The following CEP152 variants were observed in gnomAD, a reference collection of about 807,000 sequenced individuals.
CEP152 encodes the protein centrosomal protein of 152 kDa.
Under a neutral mutation model 188.9 loss-of-function variants are expected in CEP152, and 132 were observed. The ratio of observed to expected loss-of-function variants is 0.70; its 90% CI spans 0.61 to 0.81. The LOEUF (loss-of-function observed/expected upper bound fraction) is 0.81. Ranked by LOEUF, CEP152 falls within the 30% of genes least tolerant of loss-of-function variation. The probability of loss-of-function intolerance (pLI) is 0.00; values close to 1 mark genes in which losing one functional copy is unlikely to be tolerated. For synonymous variants in CEP152, 649 were observed against 666.6 expected (o/e 0.97, Z 0.41); for missense variants, 1,914 against 1,969.8 (o/e 0.97, Z 0.54).
chr15:48,786,812 TTACTG>T (rs1366591875), intron 9 of CEP152, among the ~76,000 whole-genome samples: 3 of 152,208 alleles, frequency 2.0e-5, no homozygotes, highest in East Asian at 3.8e-4. Flanking sequence ...TGTTCTGACT[TTACTG>T]TAGAGTTCTT....
In CEP152 at chr15:48,781,322, T is replaced by C. The variant is rs1480617432; in HGVS notation, c.1451A>G (p.Tyr484Cys). The C allele has an allele frequency of 1.9e-6, 3 of 1,610,702 alleles. No individual in the cohort carries two copies. Among genetic ancestry groups the C allele is most frequent in the African/African-American group, 1.3e-5 (1 of 74,866 alleles). The change falls in exon 12 of 27, where the codon TAT becomes TGT. Residue 484 changes from tyrosine (Y) to cysteine (C), a missense_variant. By Grantham distance (194) the Tyr-to-Cys change is radical (BLOSUM62 -2). Transcript: ENST00000380950. ...LTELKDEISLYESAAKLGIHP... is the reference protein window; with the variant it reads ...LTELKDEISLCESAAKLGIHP... ...TATTCCTAGTTTTGCAGCAGATTCA[T>C]AGAGAGAAATTTCATCTTTTAGTTC...
rs1215746867 is a variant in CEP152 at position 48,762,553 on chromosome 15, G to A, written c.2400C>T (p.Thr800=). 1 of 1,613,912 alleles carries A rather than the reference G, an allele frequency of 6.2e-7. No homozygotes were observed. Residue 800 remains threonine, a synonymous_variant, in exon 18 of 27, where the codon ACC becomes ACT. Transcript: ENST00000380950. ...TCTCTTTCTTGGAAATAACATCACT[G>A]GTGGTTACTTGGTCAGTTTGGCTGC... ...DCGSQTDQVT[T]SDVISKKEMA...
Position 48,769,084 on chromosome 15 carries a change from G to C in CEP152, c.1783-3C>G. ...TTTTCTGAGGTATCTGTTTTAGTCT[G>C]AATATTAAAAGGTCAAAAGTTTTAC... On this transcript the variant is annotated splice_polypyrimidine_tract_variant and splice_region_variant and intron_variant, in intron 13 of 26. Coordinates refer to ENST00000380950, the MANE Select transcript of CEP152 (RefSeq NM_001194998.2). 1 of 1,601,060 alleles carries C rather than the reference G, an allele frequency of 6.2e-7. No homozygotes were observed. Among genetic ancestry groups the C allele is most frequent in the South Asian group, 1.1e-5 (1 of 89,028 alleles).
chr15:48,735,108 CCAGGCCATAAAA>C (rs1483083426), downstream of CEP152, among the ~76,000 whole-genome samples: 5 of 152,102 alleles, frequency 3.3e-5, no homozygotes, highest in Non-Finnish European at 7.4e-5. Flanking sequence ...AGGCCATATG[CCAGGCCATAAAA>C]CAAGTCTCAA....
downstream of CEP152, among the ~76,000 whole-genome samples, chr15:48,737,566 G>A (rs1435151460): frequency 6.6e-6 from 1 of 152,014 alleles, no homozygotes; most frequent in African/African-American, 2.4e-5. Context: ...TATTTCAGAT[G>A]AAAAAACAAA....
intron 24 of CEP152, among the ~76,000 whole-genome samples, chr15:48,743,233 T>C (rs550808207): frequency 6.6e-6 from 1 of 152,324 alleles, no homozygotes; most frequent in South Asian, 2.1e-4. Flanking sequence ...TTGTAGAACA[T>C]CTACACGTGA....
At chr15:48,768,525 T>C (rs1433643676) in intron 14 of CEP152, among the ~76,000 whole-genome samples, 197 bp from the exon 15 acceptor site, 1 of 152,232 alleles carries the variant, frequency 6.6e-6, no homozygotes, top group African/African-American at 2.4e-5. Flanking sequence ...ATTTGACAAG[T>C]AGTTTTCTGA....
chr15:48,781,413 T>C lies in CEP152; in HGVS notation c.1414-54A>G, dbSNP rs961193926. 2.8e-6 allele frequency: 4 copies of C among 1,440,688 alleles called. No individual in the cohort carries two copies. The African/African-American group carries it at 5.6e-5, about 20-fold the overall frequency. The allele number at this position is 1,440,688 out of a possible 1,614,324, so 89.2% of individuals were successfully genotyped here. Reference sequence around the variant, plus strand: ...TTCACTATTTTCCTATATGAAGTAATCAGTCATTCTGTTTCAAAATTTGTT... The same window carrying C: ...TTCACTATTTTCCTATATGAAGTAACCAGTCATTCTGTTTCAAAATTTGTT... On this transcript the variant is annotated intron_variant, in intron 11 of 26. Transcript: ENST00000380950.
Position 48,756,399 on chromosome 15 carries a change from C to T in CEP152, c.2849G>A (p.Arg950Lys), listed in dbSNP as rs779384657. ...LKNEEVPVVI[R>K]AELAKARSEW... ...ACTCCGAGCCTTAGCTAACTCAGCC[C>T]TGATGACCACAGGGACTTCTTCGTT... Residue 950 changes from arginine (R) to lysine (K), a missense_variant, in exon 20 of 27, where the codon AGG becomes AAG. By Grantham distance (26) the Arg-to-Lys change is conservative. Coordinates refer to ENST00000380950, the MANE Select transcript of CEP152 (RefSeq NM_001194998.2). The T allele has an allele frequency of 1.2e-6, 2 of 1,611,474 alleles. No individual in the cohort carries two copies. The highest frequency in any genetic ancestry group is 1.3e-5 in the African/African-American group (1 of 74,900).
intron 20 of CEP152, among the ~76,000 whole-genome samples, chr15:48,754,352 A>G (rs996795366): frequency 3.3e-5 from 5 of 152,162 alleles, no homozygotes; most frequent in Admixed American, 6.5e-5. Flanking sequence ...TAATGGTAGG[A>G]GAAAGGTGTC....
rs1019446645 is a variant in CEP152 at position 48,787,172 on chromosome 15, T to G, written c.1173+1629A>C. 1.6e-4 allele frequency among the ~76,000 whole-genome samples: 23 copies of G among 142,502 alleles called. 2 individuals carry two copies. The highest frequency in any genetic ancestry group is 1.2e-3 in the East Asian group (6 of 5,014). The allele number at this position is 142,502 out of a possible 152,430, so 93.5% of individuals were successfully genotyped here. A position where few individuals can be genotyped will look rare whatever the true frequency, so the allele number is the denominator to read the frequency against. On this transcript the variant is annotated intron_variant, in intron 9 of 26. Transcript: ENST00000380950. Reference sequence around the variant, plus strand: ...ATTTGGTATAGCCTTCGTTTTTTTTTTTTTTTTTTTCTGGAAAAAGAGTCT... The same window carrying G: ...ATTTGGTATAGCCTTCGTTTTTTTTGTTTTTTTTTTCTGGAAAAAGAGTCT...
Position 48,797,464 on chromosome 15 carries a change from T to C in CEP152, c.377A>G (p.Asp126Gly), listed in dbSNP as rs1897371268. 6.2e-7 allele frequency: 1 copy of C among 1,614,088 alleles called. No individual in the cohort carries two copies. Among genetic ancestry groups the C allele is most frequent in the African/African-American group, 1.3e-5 (1 of 74,940 alleles). The change falls in exon 5 of 27, where the codon GAT becomes GGT. Residue 126 changes from aspartate (D) to glycine (G), a missense_variant. Physicochemically the swap from Asp to Gly is moderately conservative, Grantham distance 94. Coordinates refer to ENST00000380950, the MANE Select transcript of CEP152 (RefSeq NM_001194998.2). ...AGGACTATAACCACTTCCACCTTCA[T>C]CTCCACCTTCTTCAGGATGGTACAC... ...HPVYHPEEGG[D>G]EGGSGYSPPS...
At chr15:48,766,987 G>GAA (rs1895159735) in intron 17 of CEP152, 73 bp downstream of exon 17, 1 of 1,584,082 alleles carries the variant, frequency 6.3e-7, no homozygotes, top group Admixed American at 1.7e-5. Context: ...TAGAACAAAT[G>GAA]TATTCGTTTA....
intron 25 of CEP152, 33 bp from the exon 26 acceptor site, chr15:48,741,737 T>C (rs1373347623): frequency 6.2e-7 from 1 of 1,613,434 alleles, no homozygotes; most frequent in African/African-American, 1.3e-5. Context: ...AAAAATATAG[T>C]TTAAAGGAAA....
intron 18 of CEP152, among the ~76,000 whole-genome samples, chr15:48,761,043 C>T (rs1026205627): frequency 6.6e-6 from 1 of 152,140 alleles, no homozygotes; most frequent in Non-Finnish European, 1.5e-5. Flanking sequence ...GATAAAGCTC[C>T]TGTAGAAATT....
intron 10 of CEP152, 36 bp downstream of exon 10, chr15:48,783,937 C>A (rs779578890): frequency 1.2e-5 from 20 of 1,612,692 alleles, no homozygotes; most frequent in Non-Finnish European, 1.2e-5. Flanking sequence ...ATTGAACCAA[C>A]CTTCTGGGGA....
intron 2 of CEP152, among the ~76,000 whole-genome samples, chr15:48,800,931 A>G (rs1350165969): frequency 1.3e-5 from 2 of 152,250 alleles, no homozygotes; most frequent in African/African-American, 4.8e-5. Flanking sequence ...AGAACATACA[A>G]AAGCCTACAT....
Position 48,738,306 on chromosome 15 carries a change from A to G in CEP152, c.5076T>C (p.Val1692=), listed in dbSNP as rs750374188. The G allele has an allele frequency of 6.2e-7, 1 of 1,614,042 alleles. No individual in the cohort carries two copies. Among genetic ancestry groups the G allele is most frequent in the Admixed American group, 1.7e-5 (1 of 60,012 alleles). ...CACTATCTTGTTGGCTAGATAGCGG[A>G]ACAATTAATTTTCTTGAAGGCTGCT... ...VCQQPSRKLI[V]PLSSQQDSGF... Residue 1692 remains valine, a synonymous_variant, in exon 27 of 27, where the codon GTT becomes GTC. Coordinates refer to ENST00000380950, the MANE Select transcript of CEP152 (RefSeq NM_001194998.2).
intron 15 of CEP152, 30 bp from the exon 16 acceptor site, chr15:48,767,493 C>A (rs563530344): frequency 1.2e-6 from 2 of 1,613,764 alleles, no homozygotes; most frequent in South Asian, 2.2e-5. Flanking sequence ...AAAGGCAATG[C>A]CCAGTCTCAC....
Sources: gnomAD v4.1 joint callset for allele counts (sites outside exome capture counted in the v4.1 genomes callset) on GRCh38, gnomAD v4.1.1 for gene constraint, MANE v1.5 for transcripts, NCBI Gene and HGNC (gene_info 2026-07-23, HGNC 2026-07-21) for gene names.